TEX14: variants seen among roughly 807,000 people sequenced by gnomAD.
TEX14 encodes the protein testis expressed 14, intercellular bridge forming factor, also known as inactive serine/threonine-protein kinase TEX14.
Under a neutral mutation model 178.6 loss-of-function variants are expected in TEX14, and 168 were observed. The observed-to-expected ratio is 0.94, with a 90% confidence interval of 0.83 to 1.07. The LOEUF is 1.07. TEX14 is among the 50% of genes least tolerant of loss of function. The probability of loss-of-function intolerance (pLI) is 0.00; values close to 1 mark genes in which losing one functional copy is unlikely to be tolerated. For missense variants in TEX14, 1,730 were observed against 1,753.6 expected, an observed-to-expected ratio of 0.99 and a Z score of 0.24; for synonymous variants, 626 against 634.1, an observed-to-expected ratio of 0.99 and a Z score of 0.19.
At chr17:58,631,802 C>CA (rs2046318848) in intron 2 of TEX14, 1 of 152,008 alleles carries the variant, frequency 6.6e-6, no homozygotes, top group African/African-American at 2.4e-5. Flanking sequence ...CCTCGAGAAA[C>CA]ACACTATAGA....
In TEX14 at chr17:58,596,054, G is replaced by A. The variant is rs572494749; in HGVS notation, c.2470-2393C>T. On this transcript the variant is annotated intron_variant, in intron 14 of 31. Transcript: ENST00000349033. ...AAAAATTAGCCGGGCATGGTGGTGC[G>A]CACCTGTAGTCCCAGCTACTCGGGA... Among the ~76,000 whole-genome samples the A allele has an allele frequency of 2.1e-4, 32 of 152,070 alleles. No homozygotes were observed. The South Asian group carries it at 5.6e-3, about 27-fold the overall frequency.
At chr17:58,604,792 T>A (rs939084489) in intron 11 of TEX14, among the ~76,000 whole-genome samples, 186 bp downstream of exon 11, 16 of 152,040 alleles carry the variant, frequency 1.1e-4, no homozygotes, top group Non-Finnish European at 2.2e-4. Flanking sequence ...AACTCCTGAC[T>A]TCAGGTGATC....
Position 58,569,346 on chromosome 17 carries a change from G to C in TEX14, c.3818-86C>G. Reference sequence around the variant, plus strand: ...TTTTTCTCGGCTCTCACATAGACTTGACTGAGGATTTCTCTCAATGATGAA... The same window carrying C: ...TTTTTCTCGGCTCTCACATAGACTTCACTGAGGATTTCTCTCAATGATGAA... On this transcript the variant is annotated intron_variant, in intron 25 of 31. Coordinates refer to ENST00000349033, the MANE Select transcript of TEX14 (RefSeq NM_031272.5). The surrounding 1 kb of genome is among the most constrained non-coding windows in gnomAD (Gnocchi z 4.1). 1 of 981,708 alleles carries C rather than the reference G, an allele frequency of 1.0e-6. No homozygotes were observed. Among genetic ancestry groups the C allele is most frequent in the South Asian group, 1.4e-5 (1 of 71,202 alleles). 60.8% of individuals were successfully genotyped at this position (981,708 alleles called of 1,614,324 possible). A position where few individuals can be genotyped will look rare whatever the true frequency, so the allele number is the denominator to read the frequency against.
At chr17:58,653,043 C>T (rs1598420598) in intron 1 of TEX14, among the ~76,000 whole-genome samples, 1 of 152,184 alleles carries the variant, frequency 6.6e-6, no homozygotes, top group Non-Finnish European at 1.5e-5. Flanking sequence ...TTCAAGCGAT[C>T]CTCCTGCCTC....
rs1472670064 is a variant in TEX14 at position 58,630,571 on chromosome 17, A to G, written c.137-17T>C. ...CATAAATTCCTGCAAAGGAAATATC[A>G]GAATCAATGCAAATATCAGAAAATT... On this transcript the variant is annotated splice_polypyrimidine_tract_variant and intron_variant, in intron 2 of 31. Transcript: ENST00000349033. 1 of 1,572,750 alleles carries G rather than the reference A, an allele frequency of 6.4e-7. No homozygotes were observed. Among genetic ancestry groups the G allele is most frequent in the African/African-American group, 1.3e-5 (1 of 74,218 alleles).
Position 58,605,105 on chromosome 17 carries a change from G to T in TEX14, c.1209C>A (p.Asp403Glu). ...GCGTAGGAAGGGGCACTCGAGTCAG[G>T]TCCCTCTGTACACCTCTGTCCTCGC... Reference protein sequence around the residue: ...LESEDRGVQRDLTRVPLPTQL... With the variant: ...LESEDRGVQRELTRVPLPTQL... The change falls in exon 11 of 32, where the codon GAC (aspartate) becomes GAA (glutamate). Residue 403 changes from aspartate (D) to glutamate (E), a missense_variant. Physicochemically the swap from Asp to Glu is conservative, Grantham distance 45. Around this residue, in one of 2 missense-constraint regions of TEX14, gnomAD observed 789 missense variants for 681.2 expected, o/e 1.16. Transcript: ENST00000349033. 6.2e-7 allele frequency: 1 copy of T among 1,614,126 alleles called. No individual in the cohort carries two copies. Among genetic ancestry groups the T allele is most frequent in the Non-Finnish European group, 8.5e-7 (1 of 1,180,006 alleles).
chr17:58,598,947 G>C lies in TEX14; in HGVS notation c.2398C>G (p.Leu800Val), dbSNP rs748507378. Reference protein sequence around the residue: ...PPSLNYIPPVLQLSGGQKPDT... With the variant: ...PPSLNYIPPVVQLSGGQKPDT... Reference sequence around the variant, plus strand: ...GGCTTCTGACCCCCTGAAAGCTGTAGGACAGGAGGAATATAGTTTAAAGAT... The same window carrying C: ...GGCTTCTGACCCCCTGAAAGCTGTACGACAGGAGGAATATAGTTTAAAGAT... Residue 800 changes from leucine to valine, a missense_variant, in exon 14 of 32, where the codon CTA becomes GTA. By Grantham distance (32) the Leu-to-Val change is conservative (BLOSUM62 1). This residue lies in a region of TEX14 where 941 missense variants were observed against 1,072.4 expected (regional missense o/e 0.88). Coordinates refer to ENST00000349033, the MANE Select transcript of TEX14 (RefSeq NM_031272.5). The C allele has an allele frequency of 2.5e-6, 4 of 1,614,022 alleles. No homozygotes were observed. Among genetic ancestry groups the C allele is most frequent in the Non-Finnish European group, 3.4e-6 (4 of 1,180,016 alleles).
rs190098493 is a variant in TEX14 at position 58,675,321 on chromosome 17, G to A, written c.-2+16618C>T. The A allele has an allele frequency of 6.5e-5, 10 of 153,418 alleles. No individual in the cohort carries two copies. In the South Asian group the frequency reaches 7.2e-4, roughly 11 times the overall value. The allele number at this position is 153,418 out of a possible 1,614,324, so 9.5% of individuals were successfully genotyped here. ...GGTGGGCAAACTAGTTGATTTTCCC[G>A]AAAAAAGCTAAAACTACAAAGAAGA... On this transcript the variant is annotated intron_variant, in intron 1 of 31. Transcript: ENST00000349033.
chr17:58,559,711 G>A (rs1157084222), intron 29 of TEX14, 149 bp from the exon 30 acceptor site: 4 of 591,912 alleles, frequency 6.8e-6, no homozygotes, highest in Non-Finnish European at 1.2e-5. Context: ...TATGCACCAG[G>A]CATTGGTTTA....
In TEX14 at chr17:58,559,484, T is replaced by C. The variant is rs779581995; in HGVS notation, c.4236A>G (p.Lys1412=). ...CAGAAGTCCCTAGAACACCCTCTGA[T>C]TTCCTTCTTTCTGGTGTAATGCTAT... ...REDSITPERR[K]SEGVLGTSEE... Residue 1412 remains lysine (K), a synonymous_variant, in exon 30 of 32, where the codon AAA becomes AAG. Transcript: ENST00000349033. 6.5e-7 allele frequency: 1 copy of C among 1,548,228 alleles called. No individual in the cohort carries two copies. Among genetic ancestry groups the C allele is most frequent in the Admixed American group, 1.7e-5 (1 of 59,810 alleles).
At chr17:58,641,462 C>T (rs2046573724) in intron 2 of TEX14, among the ~76,000 whole-genome samples, 1 of 137,362 alleles carries the variant, frequency 7.3e-6, no homozygotes, top group Admixed American at 7.6e-5. Flanking sequence ...TATGGAGTAG[C>T]CATTCTTTTC....
At chr17:58,613,873 G>T (rs2045808375) in intron 8 of TEX14, among the ~76,000 whole-genome samples, 1 of 152,082 alleles carries the variant, frequency 6.6e-6, no homozygotes, top group African/African-American at 2.4e-5. Context: ...CACCATGTTG[G>T]CCAGGCTGGT....
intron 11 of TEX14, among the ~76,000 whole-genome samples, chr17:58,603,465 G>C (rs1036073138): frequency 1.3e-5 from 2 of 149,862 alleles, no homozygotes; most frequent in Non-Finnish European, 3.0e-5. Context: ...CGAGGCAGGA[G>C]AATCACTTGA....
At chr17:58,634,390 G>A (rs536493887) in intron 2 of TEX14, among the ~76,000 whole-genome samples, 1 of 152,294 alleles carries the variant, frequency 6.6e-6, no homozygotes, top group East Asian at 1.9e-4. Context: ...TCCAACTTGG[G>A]CAACAGAGTG....
chr17:58,581,872 TTG>T, intron 19 of TEX14: 2 of 874,198 alleles, frequency 2.3e-6, no homozygotes, highest in Non-Finnish European at 3.5e-6. Context: ...CCCTACCTCT[TTG>T]TGCATGTGCC....
At position 58,586,087 on chromosome 17, in the gene TEX14, G is replaced by A. The variant is rs770972460; in HGVS notation, c.2789-5C>T. ...TTGCCATTTCTTTCACCTCCACTGT[G>A]CATAAGAGAAAGCAGCATTTAAAAC... On this transcript the variant is annotated splice_region_variant and splice_polypyrimidine_tract_variant and intron_variant, in intron 17 of 31. Transcript: ENST00000349033. The A allele has an allele frequency of 1.2e-6, 2 of 1,604,264 alleles. No individual in the cohort carries two copies. The highest frequency in any genetic ancestry group is 1.1e-5 in the South Asian group (1 of 90,402).
chr17:58,647,966 G>A (rs1419493748), intron 2 of TEX14: 1 of 152,312 alleles, frequency 6.6e-6, no homozygotes, highest in Non-Finnish European at 1.5e-5. Flanking sequence ...CCAAAGTGCT[G>A]GGATTACACG....
At chr17:58,606,699 A>G (rs1319836623) in intron 10 of TEX14, among the ~76,000 whole-genome samples, 5 of 151,538 alleles carry the variant, frequency 3.3e-5, no homozygotes, top group Non-Finnish European at 5.9e-5. Flanking sequence ...GAGCCACTGC[A>G]CTCCAGCCTG....
intron 14 of TEX14, among the ~76,000 whole-genome samples, chr17:58,593,862 G>A (rs530679984): frequency 3.5e-4 from 53 of 152,140 alleles, no homozygotes; most frequent in African/African-American, 1.2e-3. Context: ...TTGAGACGGA[G>A]TCTGGCTCTG....
Sources: gnomAD v4.1 joint callset for allele counts (sites outside exome capture counted in the v4.1 genomes callset) on GRCh38, gnomAD v4.1.1 for gene constraint, gnomAD v4.1.1 regional missense constraint, Gnocchi (gnomAD v3.1) non-coding constraint, MANE v1.5 for transcripts, NCBI Gene and HGNC (gene_info 2026-07-23, HGNC 2026-07-21) for gene names.